Variants in ANKAR observed in about 807,000 individuals in gnomAD.
ANKAR encodes the protein ankyrin and armadillo repeat containing, also known as ankyrin and armadillo repeat-containing protein.
In ANKAR, 136 loss-of-function variants were observed where a neutral mutation model predicts 146.2. The observed-to-expected ratio is 0.93, with a 90% CI of 0.81 to 1.07. The LOEUF is 1.07. Among genes scored for constraint, ANKAR ranks in the 50% least tolerant of loss-of-function variants. The pLI, the probability that ANKAR is intolerant of heterozygous loss-of-function variation, is 0.00. For synonymous variants in ANKAR, 500 were observed against 575.8 expected (o/e 0.87, Z 1.88); for missense variants, 1,567 against 1,679.9 (o/e 0.93, Z 1.18).
chr2:189,684,123 A>G (rs1472541927), intron 2 of ANKAR, among the ~76,000 whole-genome samples: 1 of 152,212 alleles, frequency 6.6e-6, no homozygotes. Flanking sequence ...TCATGATAGC[A>G]AAATAGGAGA....
intron 17 of ANKAR, among the ~76,000 whole-genome samples, chr2:189,736,998 T>C (rs2105877979): frequency 6.6e-6 from 1 of 150,670 alleles, no homozygotes; most frequent in East Asian, 2.0e-4. Flanking sequence ...TGCTTGAGCC[T>C]GGGAGGTGGA....
intron 19 of ANKAR, among the ~76,000 whole-genome samples, chr2:189,740,831 T>A (rs540917660): frequency 1.3e-5 from 2 of 152,184 alleles, no homozygotes; most frequent in East Asian, 3.9e-4. Context: ...GTAGCTGGGA[T>A]TACAGGCATG....
chr2:189,754,367 TAG>T (rs1053201535), intron 18 of ANKAR: 2 of 1,568,634 alleles, frequency 1.3e-6, no homozygotes, highest in African/African-American at 2.7e-5. Flanking sequence ...ACATATTTTT[TAG>T]AGTCATAAAA....
At chr2:189,708,924 A>G (rs2039318751) in intron 9 of ANKAR, among the ~76,000 whole-genome samples, 1 of 152,166 alleles carries the variant, frequency 6.6e-6, no homozygotes, top group Non-Finnish European at 1.5e-5. Flanking sequence ...CAACATGGTG[A>G]AAACCTGTCT....
rs989936229 is a variant in ANKAR, at chr2:189,725,159, T to C, written c.2636-2697T>C. Among the ~76,000 whole-genome samples, 4 of 152,100 alleles carry C rather than the reference T, an allele frequency of 2.6e-5. No individual in the cohort carries two copies. In the East Asian group the frequency reaches 7.7e-4, roughly 29 times the overall value. On this transcript the variant is annotated intron_variant, in intron 12 of 22. Coordinates refer to ENST00000684021, the MANE Select transcript of ANKAR (RefSeq NM_001378068.1). ...TTACTGTGCAAAGAAATGTGCAGAA[T>C]GTAGGAAAACAATAAACCCTGTGGG...
chr2:189,742,955 CACACACACACACACACACA>C (rs2043571787), intron 20 of ANKAR, among the ~76,000 whole-genome samples: 2 of 143,836 alleles, frequency 1.4e-5, no homozygotes, highest in Admixed American at 1.4e-4. Context: ...CACACACACA[CACACACACACACACACACA>C]CACACACCCC....
intron 7 of ANKAR, among the ~76,000 whole-genome samples, chr2:189,704,154 T>TC (rs1290785706): frequency 6.6e-6 from 1 of 151,388 alleles, no homozygotes; most frequent in African/African-American, 2.4e-5. Flanking sequence ...GGAATTTTTT[T>TC]TTTTTGAGAT....
In ANKAR at chr2:189,730,906, T is replaced by C. The variant is rs2042340434; in HGVS notation, c.3300+305T>C. ...AAGATTTTCCTCAGATATTTGATTATTTATTCACAAAAGTTCTTTTCTACC... is the reference window on the plus strand; with the variant it reads ...AAGATTTTCCTCAGATATTTGATTACTTATTCACAAAAGTTCTTTTCTACC... On this transcript the variant is annotated intron_variant, in intron 16 of 22. Coordinates refer to ENST00000684021, the MANE Select transcript of ANKAR (RefSeq NM_001378068.1). Among the ~76,000 whole-genome samples the C allele has an allele frequency of 2.0e-5, 3 of 152,202 alleles. No homozygotes were observed. In the South Asian group the frequency reaches 6.2e-4, roughly 32 times the overall value.
At position 189,746,373 on chromosome 2, in the gene ANKAR, T is replaced by A. The variant is rs374215666; in HGVS notation, c.4058-7T>A. On this transcript the variant is annotated splice_region_variant and splice_polypyrimidine_tract_variant and intron_variant, in intron 22 of 22. Transcript: ENST00000684021. Reference sequence around the variant, plus strand: ...AGGAGAGACATTTAATTGTGGCTAATTTTTAGGGAAGGAGCACCGAAGAAA... The same window carrying A: ...AGGAGAGACATTTAATTGTGGCTAAATTTTAGGGAAGGAGCACCGAAGAAA... 1.1e-5 allele frequency: 18 copies of A among 1,596,940 alleles called. No individual in the cohort carries two copies. The African/African-American group carries it at 2.2e-4, about 19-fold the overall frequency.
At chr2:189,755,089 G>T in intron 18 of ANKAR, 1 of 1,465,164 alleles carries the variant, frequency 6.8e-7, no homozygotes, top group South Asian at 1.3e-5. Flanking sequence ...AAATATTTAG[G>T]TGAATGGTGG....
chr2:189,728,869 C>T (rs2042133582), intron 15 of ANKAR, 48 bp downstream of exon 15: 1 of 1,548,938 alleles, frequency 6.5e-7, no homozygotes, highest in South Asian at 1.2e-5. Context: ...AGAACAAGAA[C>T]AGATTGCGCA....
intron 16 of ANKAR, 60 bp from the exon 17 acceptor site, chr2:189,733,047 T>C (rs1238527544): frequency 1.3e-6 from 2 of 1,505,286 alleles, no homozygotes; most frequent in Non-Finnish European, 1.8e-6. Flanking sequence ...GCCTGCACAA[T>C]GAAATGTGTA....
chr2:189,743,639 A>T (rs945878068), intron 21 of ANKAR, among the ~76,000 whole-genome samples, 165 bp downstream of exon 21: 2 of 152,214 alleles, frequency 1.3e-5, no homozygotes, highest in African/African-American at 4.8e-5. Context: ...ACCTGTTTTA[A>T]TTCCAACTCA....
Position 189,753,986 on chromosome 2 carries a change from A to C in ANKAR, c.*585-7112A>C, listed in dbSNP as rs752474236. ...CAGAATAGCCCGATGTGTTCTTTTC[A>C]CAAGATGACATGCCATTGTGTGCTG... On this transcript the variant is annotated intron_variant and NMD_transcript_variant, in intron 18 of 18. Transcript: ENST00000441800. 13 of 1,613,718 alleles carry C rather than the reference A, an allele frequency of 8.1e-6. No individual in the cohort carries two copies. In the Admixed American group the frequency reaches 2.2e-4, roughly 27 times the overall value.
At chr2:189,718,351 T>C (rs1345345244) in intron 10 of ANKAR, among the ~76,000 whole-genome samples, 7 of 78,004 alleles carry the variant, frequency 9.0e-5, no homozygotes, top group Non-Finnish European at 1.8e-4. Context: ...GCTATCTATC[T>C]ACACACAGAC....
intron 18 of ANKAR, among the ~76,000 whole-genome samples, chr2:189,756,773 T>A (rs2046151441): frequency 6.6e-6 from 1 of 152,136 alleles, no homozygotes; most frequent in Admixed American, 6.5e-5. Context: ...TGTTCAACAG[T>A]CTTCTAATTG....
chr2:189,676,903 A>G lies in ANKAR; in HGVS notation c.413A>G (p.Tyr138Cys). 1 of 1,614,186 alleles carries G rather than the reference A, an allele frequency of 6.2e-7. No individual in the cohort carries two copies. Among genetic ancestry groups the G allele is most frequent in the Non-Finnish European group, 8.5e-7 (1 of 1,180,034 alleles). ...TCTTCTTGTCAATTACCTCCAGCTTATTATGATACCAGAATTGGGCAAATT... is the reference window on the plus strand; with the variant it reads ...TCTTCTTGTCAATTACCTCCAGCTTGTTATGATACCAGAATTGGGCAAATT... The part of the protein sequence containing the change: ...QSSSCQLPPA[Y>C]YDTRIGQILI... Residue 138 changes from tyrosine (Y) to cysteine (C), a missense_variant, in exon 2 of 23, where the codon TAT (tyrosine) becomes TGT (cysteine). Physicochemically the swap from Tyr to Cys is radical, Grantham distance 194. Transcript: ENST00000684021.
intron 18 of ANKAR, among the ~76,000 whole-genome samples, chr2:189,760,232 C>T (rs1421218155): frequency 4.6e-5 from 7 of 152,190 alleles, no homozygotes; most frequent in Non-Finnish European, 8.8e-5. Flanking sequence ...TCGACAAAAC[C>T]GCCATTGTCA....
chr2:189,741,263 G>A (rs1360301939), intron 19 of ANKAR, 79 bp from the exon 20 acceptor site: 2 of 1,050,614 alleles, frequency 1.9e-6, no homozygotes, highest in African/African-American at 1.7e-5. Flanking sequence ...ACTTTTTTCA[G>A]TGCTATGTGC....
Sources: allele counts gnomAD v4.1 joint callset (sites outside exome capture counted in the v4.1 genomes callset), GRCh38; gene constraint gnomAD v4.1.1; transcripts MANE v1.5; gene names NCBI Gene and HGNC (gene_info 2026-07-23, HGNC 2026-07-21).